Variants in ARSB observed in about 807,000 individuals in gnomAD.
The protein encoded by ARSB is N-acetylgalactosamine-4-sulfatase.
A neutral mutation model predicts 50.9 loss-of-function variants in ARSB; 41 were observed. The ratio of observed to expected loss-of-function variants is 0.81; its 90% CI spans 0.63 to 1.04. The LOEUF (loss-of-function observed/expected upper bound fraction) is 1.04. Among genes scored for constraint, ARSB ranks in the 50% least tolerant of loss-of-function variants. The pLI, the probability that ARSB is intolerant of heterozygous loss-of-function variation, is 0.00. For synonymous variants in ARSB, 269 were observed against 284.8 expected, an observed-to-expected ratio of 0.94 and a Z score of 0.56; for missense variants, 672 against 693.3, an observed-to-expected ratio of 0.97 and a Z score of 0.35.
At chr5:78,867,388 G>T (rs964978893) in intron 5 of ARSB, among the ~76,000 whole-genome samples, 2 of 152,112 alleles carry the variant, frequency 1.3e-5, no homozygotes, top group Non-Finnish European at 2.9e-5. Flanking sequence ...CAAAAAGACA[G>T]CAGTAACCTC....
intron 6 of ARSB, among the ~76,000 whole-genome samples, chr5:78,824,952 T>C (rs778857271): frequency 6.6e-6 from 1 of 152,226 alleles, no homozygotes; most frequent in Non-Finnish European, 1.5e-5. Context: ...TGCATTTTTC[T>C]CTCACTTGCT....
chr5:78,963,987 TG>T lies in ARSB; in HGVS notation c.690+428del, dbSNP rs546604284. Among the ~76,000 whole-genome samples the T allele has an allele frequency of 2.7e-3, 414 of 152,286 alleles. 1 individual carries two copies. Among genetic ancestry groups the T allele is most frequent in the African/African-American group, 9.5e-3 (395 of 41,548 alleles). On this transcript the variant is annotated intron_variant, in intron 3 of 7. Transcript: ENST00000264914. ...TTTATGGATCCCTTAACCAAAAGTTTGTCATAATAAAGCCTCACCTTACACC... is the reference window on the plus strand; with the variant it reads ...TTTATGGATCCCTTAACCAAAAGTTTTCATAATAAAGCCTCACCTTACACC...
chr5:78,984,531 G>A (rs1364359125), intron 1 of ARSB, among the ~76,000 whole-genome samples: 2 of 152,176 alleles, frequency 1.3e-5, no homozygotes, highest in African/African-American at 4.8e-5. Flanking sequence ...CACCCACGGC[G>A]AGCACCCCTT....
intron 4 of ARSB, among the ~76,000 whole-genome samples, chr5:78,951,081 C>T (rs949498809): frequency 1.3e-5 from 2 of 152,086 alleles, no homozygotes; most frequent in Non-Finnish European, 2.9e-5. Context: ...GCTGTGTGGC[C>T]TTGGACTAAT....
intron 4 of ARSB, among the ~76,000 whole-genome samples, chr5:78,942,039 G>A (rs191711131): frequency 2.0e-5 from 3 of 152,174 alleles, no homozygotes; most frequent in South Asian, 2.1e-4. Flanking sequence ...TAATTTATCC[G>A]TTTCTTCTAG....
At chr5:78,941,971 G>T (rs181438222) in intron 4 of ARSB, among the ~76,000 whole-genome samples, 41 of 152,260 alleles carry the variant, frequency 2.7e-4, no homozygotes, top group Non-Finnish European at 4.3e-4. Flanking sequence ...CCTGTTATTG[G>T]TCTATTCAGA....
At chr5:78,866,479 G>T (rs775460716) in intron 5 of ARSB, among the ~76,000 whole-genome samples, 3 of 152,160 alleles carry the variant, frequency 2.0e-5, no homozygotes, top group Admixed American at 2.0e-4. Context: ...AAGGGGAAAG[G>T]ACTCAAATAA....
intron 4 of ARSB, among the ~76,000 whole-genome samples, chr5:78,936,127 CT>C (rs1361561310): frequency 2.3e-5 from 2 of 86,128 alleles, no homozygotes; most frequent in Non-Finnish European, 4.3e-5. Context: ...CTCTCTCTCT[CT>C]CTTTTTTTTT....
At chr5:78,842,288 G>C (rs1316472932) in intron 5 of ARSB, among the ~76,000 whole-genome samples, 1 of 152,178 alleles carries the variant, frequency 6.6e-6, no homozygotes, top group African/African-American at 2.4e-5. Context: ...GGTGGGTGAT[G>C]AGAAGTCTCA....
At chr5:78,968,286 C>T (rs191801488) in intron 2 of ARSB, among the ~76,000 whole-genome samples, 138 of 150,118 alleles carry the variant, frequency 9.2e-4, no homozygotes, top group Admixed American at 3.0e-3. Context: ...ACACACCAAA[C>T]CTTTGTGAAG....
chr5:78,831,605 G>A lies in ARSB; in HGVS notation c.1213+7751C>T, dbSNP rs186187035. On this transcript the variant is annotated intron_variant, in intron 6 of 7. Coordinates refer to ENST00000264914, the MANE Select transcript of ARSB (RefSeq NM_000046.5). ...TAGGACACAAAGCGATGAGACCTGC[G>A]AAATCAGTAGGACATGATGTACATG... Among the ~76,000 whole-genome samples the A allele has an allele frequency of 7.6e-4, 115 of 152,250 alleles. 1 individual carries two copies. The highest frequency in any genetic ancestry group is 2.4e-3 in the African/African-American group (101 of 41,552).
At chr5:78,933,319 T>C (rs778083501) in intron 4 of ARSB, among the ~76,000 whole-genome samples, 10 of 152,204 alleles carry the variant, frequency 6.6e-5, no homozygotes, top group Non-Finnish European at 1.0e-4. Flanking sequence ...AATCCCTAAG[T>C]AGAAGAAATC....
rs572688561 is a variant in ARSB at position 78,792,730 on chromosome 5, C to T, written c.1214-10756G>A. ...GTCTCTTGAATTTCCACGGTGGTCGCCATAAGCCCAGGCAAATAGGTAAAA... is the reference window on the plus strand; with the variant it reads ...GTCTCTTGAATTTCCACGGTGGTCGTCATAAGCCCAGGCAAATAGGTAAAA... On this transcript the variant is annotated intron_variant, in intron 6 of 7. Transcript: ENST00000264914. 3.3e-5 allele frequency among the ~76,000 whole-genome samples: 5 copies of T among 152,132 alleles called. 1 individual carries two copies. In the South Asian group the frequency reaches 1.0e-3, roughly 32 times the overall value.
intron 5 of ARSB, among the ~76,000 whole-genome samples, chr5:78,852,691 C>T (rs1270710966): frequency 6.6e-6 from 1 of 152,178 alleles, no homozygotes; most frequent in Non-Finnish European, 1.5e-5. Context: ...CTTTCAGGTA[C>T]ACCAATCAGA....
chr5:78,819,192 G>C (rs951688843), intron 6 of ARSB, among the ~76,000 whole-genome samples: 1 of 152,170 alleles, frequency 6.6e-6, no homozygotes, highest in African/African-American at 2.4e-5. Flanking sequence ...AGGGGCTGCT[G>C]GGAGGTGATG....
intron 1 of ARSB, among the ~76,000 whole-genome samples, chr5:78,977,406 G>A (rs1047454844): frequency 1.3e-5 from 2 of 152,116 alleles, no homozygotes; most frequent in Non-Finnish European, 2.9e-5. Context: ...CGCCTGCCTC[G>A]GCCTCCCAAA....
intron 6 of ARSB, among the ~76,000 whole-genome samples, chr5:78,793,647 T>C (rs1270834552): frequency 1.3e-5 from 2 of 152,150 alleles, no homozygotes; most frequent in Non-Finnish European, 2.9e-5. Context: ...CTAAATTGAT[T>C]TACTTCGTCA....
intron 6 of ARSB, among the ~76,000 whole-genome samples, chr5:78,820,692 T>C (rs775251408): frequency 4.6e-5 from 7 of 152,200 alleles, no homozygotes; most frequent in Non-Finnish European, 8.8e-5. Context: ...ATTATTGACA[T>C]TTCAGGTGGA....
chr5:78,910,787 G>A (rs1580048768), intron 4 of ARSB, among the ~76,000 whole-genome samples: 1 of 152,318 alleles, frequency 6.6e-6, no homozygotes, highest in Non-Finnish European at 1.5e-5. Flanking sequence ...AAGCAATAGT[G>A]TGTCGAATCA....
Sources: allele counts gnomAD v4.1 joint callset (sites outside exome capture counted in the v4.1 genomes callset), GRCh38; gene constraint gnomAD v4.1.1; transcripts MANE v1.5; gene names NCBI Gene and HGNC (gene_info 2026-07-23, HGNC 2026-07-21).